Variants in TRDN observed in about 807,000 individuals in gnomAD.
TRDN encodes triadin, also known as triadin in skeletal muscle.
In TRDN, 161 loss-of-function variants were observed where a neutral mutation model predicts 149.7. The observed-to-expected ratio is 1.08, with a 90% CI of 0.95 to 1.23. TRDN has a LOEUF of 1.23. TRDN is among the 50% of genes most tolerant of loss of function. TRDN has a pLI of 0.00. For missense variants in TRDN, 896 were observed against 823.5 expected (o/e 1.09, Z -1.08); for synonymous variants, 294 against 250.5 (o/e 1.17, Z -1.64).
At chr6:123,318,324 C>T (rs1337850924) in intron 23 of TRDN, among the ~76,000 whole-genome samples, 1 of 151,912 alleles carries the variant, frequency 6.6e-6, no homozygotes, top group Non-Finnish European at 1.5e-5. Flanking sequence ...AAGTGCTGGT[C>T]AATTATTGAC....
intron 1 of TRDN, among the ~76,000 whole-genome samples, chr6:123,617,470 T>A (rs1460098470): frequency 6.6e-6 from 1 of 152,110 alleles, no homozygotes; most frequent in Admixed American, 6.5e-5. Context: ...TTTTCAAATA[T>A]ATATTAGTGG....
At chr6:123,306,300 G>C (rs1430838050) in intron 24 of TRDN, among the ~76,000 whole-genome samples, 2 of 152,034 alleles carry the variant, frequency 1.3e-5, no homozygotes, top group African/African-American at 4.8e-5. Context: ...CATTTCCCCA[G>C]ACATGGGACA....
At chr6:123,267,322 A>T (rs547374843) in intron 32 of TRDN, among the ~76,000 whole-genome samples, 3 of 152,012 alleles carry the variant, frequency 2.0e-5, no homozygotes, top group Non-Finnish European at 2.9e-5. Context: ...TTTTAAGAGG[A>T]TATATCAAGC....
intron 10 of TRDN, among the ~76,000 whole-genome samples, chr6:123,452,419 G>T (rs995264220): frequency 1.3e-5 from 2 of 151,994 alleles, no homozygotes; most frequent in Non-Finnish European, 2.9e-5. Context: ...CAAGATTAAT[G>T]TACACATATC....
intron 22 of TRDN, among the ~76,000 whole-genome samples, chr6:123,337,396 T>C (rs182155347): frequency 3.9e-5 from 6 of 152,160 alleles, no homozygotes; most frequent in Non-Finnish European, 8.8e-5. Context: ...CTTTCTTTTC[T>C]CTTTGGGATT....
At chr6:123,228,818 C>T (rs1775485713) in intron 38 of TRDN, among the ~76,000 whole-genome samples, 1 of 151,860 alleles carries the variant, frequency 6.6e-6, no homozygotes, top group African/African-American at 2.4e-5. Context: ...GAGCCACACA[C>T]ACACTTGTGC....
intron 12 of TRDN, among the ~76,000 whole-genome samples, chr6:123,436,792 C>A (rs1478605130): frequency 2.0e-5 from 3 of 152,050 alleles, no homozygotes; most frequent in Non-Finnish European, 4.4e-5. Flanking sequence ...CAGGAAAGAT[C>A]TGGAAATCTC....
At chr6:123,472,730 G>C (rs1362818786) in intron 9 of TRDN, among the ~76,000 whole-genome samples, 1 of 152,214 alleles carries the variant, frequency 6.6e-6, no homozygotes, top group Non-Finnish European at 1.5e-5. Flanking sequence ...CGCAGCTGGA[G>C]ATCTGAGAAC....
At chr6:123,324,924 G>T (rs1779384709) in intron 23 of TRDN, among the ~76,000 whole-genome samples, 1 of 152,152 alleles carries the variant, frequency 6.6e-6, no homozygotes. Flanking sequence ...AAGTGCTACT[G>T]TTATGGGTCC....
intron 2 of TRDN, among the ~76,000 whole-genome samples, chr6:123,568,950 G>A (rs1782422529): frequency 1.3e-5 from 2 of 152,150 alleles, no homozygotes; most frequent in Admixed American, 1.3e-4. Flanking sequence ...CAAAAAAGCT[G>A]TTTCTTTCTT....
intron 9 of TRDN, among the ~76,000 whole-genome samples, chr6:123,487,447 T>C (rs937180049): frequency 4.6e-5 from 7 of 152,080 alleles, no homozygotes; most frequent in African/African-American, 7.2e-5. Flanking sequence ...TTACCCTTCC[T>C]TCCTTCAATT....
At chr6:123,271,993 T>C (rs370352022) in intron 29 of TRDN, among the ~76,000 whole-genome samples, 4 of 152,032 alleles carry the variant, frequency 2.6e-5, no homozygotes, top group South Asian at 4.1e-4. Flanking sequence ...GAGGAGCTTC[T>C]GAAAGTTGTT....
rs113975417 is a variant in TRDN, at chr6:123,469,393, C to T, written c.854-4410G>A. On this transcript the variant is annotated intron_variant, in intron 9 of 40. Transcript: ENST00000334268. ...CTAGAGATATGGGGTGCTAACCACT[C>T]CTCCCTTTCCCAACCCCATCTATTA... is the stretch of plus-strand genomic sequence containing the variant. Among the ~76,000 whole-genome samples the T allele has an allele frequency of 3.3e-3, 501 of 152,190 alleles. 2 individuals carry two copies. The highest frequency in any genetic ancestry group is 0.012 in the African/African-American group (490 of 41,510).
intron 4 of TRDN, among the ~76,000 whole-genome samples, chr6:123,546,110 A>G (rs978132355): frequency 8.5e-5 from 13 of 152,202 alleles, no homozygotes; most frequent in Non-Finnish European, 1.6e-4. Flanking sequence ...TTCACTCTCT[A>G]TGGGAAATCA....
intron 1 of TRDN, among the ~76,000 whole-genome samples, chr6:123,579,401 T>C (rs1037307858): frequency 2.0e-5 from 3 of 152,200 alleles, no homozygotes; most frequent in African/African-American, 7.2e-5. Flanking sequence ...GAGATAATCA[T>C]GTGGTTTTTA....
intron 12 of TRDN, among the ~76,000 whole-genome samples, chr6:123,406,785 G>T (rs987517444): frequency 3.9e-5 from 6 of 152,090 alleles, no homozygotes; most frequent in African/African-American, 1.4e-4. Context: ...CTTAAGAAGA[G>T]AAAGTATTAT....
At chr6:123,566,000 C>A (rs913135468) in intron 2 of TRDN, among the ~76,000 whole-genome samples, 1 of 152,164 alleles carries the variant, frequency 6.6e-6, no homozygotes, top group African/African-American at 2.4e-5. Context: ...ATTGCAACAG[C>A]CTTACATAGA....
intron 16 of TRDN, 133 bp downstream of exon 16, chr6:123,381,237 A>G: frequency 1.3e-6 from 1 of 794,902 alleles, no homozygotes; most frequent in South Asian, 1.9e-5. Context: ...TTTCACTTGG[A>G]CAAAAAACAA....
chr6:123,341,945 G>GTATA (rs1780078885), intron 21 of TRDN, among the ~76,000 whole-genome samples: 2 of 151,944 alleles, frequency 1.3e-5, no homozygotes, highest in Admixed American at 6.6e-5. Flanking sequence ...CCTTATAGTA[G>GTATA]TATAGTTCTT....
Sources: allele counts gnomAD v4.1 joint callset (sites outside exome capture counted in the v4.1 genomes callset), GRCh38; gene constraint gnomAD v4.1.1; transcripts MANE v1.5; gene names NCBI Gene and HGNC (gene_info 2026-07-23, HGNC 2026-07-21).